Variants in CSMD3 observed in about 807,000 individuals in gnomAD.
CSMD3 encodes the protein CUB and sushi domain-containing protein 3.
In CSMD3, 177 loss-of-function variants were observed where a neutral mutation model predicts 435.2. The ratio of observed to expected loss-of-function variants is 0.41; its 90% confidence interval spans 0.36 to 0.46. The LOEUF (loss-of-function observed/expected upper bound fraction) is 0.46, where lower values mean the gene tolerates loss of function less well. CSMD3 is among the 20% of genes least tolerant of loss of function. The pLI is 0.34. For missense variants in CSMD3, 4,265 were observed against 4,504.6 expected (o/e 0.95, Z 1.52); for synonymous variants, 1,656 against 1,520.5 (o/e 1.09, Z -2.07).
At chr8:112,500,890 A>C (rs1461280379) in intron 30 of CSMD3, among the ~76,000 whole-genome samples, 1 of 81,100 alleles carries the variant, frequency 1.2e-5, no homozygotes, top group East Asian at 3.3e-4. Context: ...TGCCAGGCAA[A>C]GCCTCCTTTT....
rs1165654553 is a variant in CSMD3, at chr8:112,281,312, T to G, written c.9370A>C (p.Lys3124Gln). The G allele has an allele frequency of 6.2e-7, 1 of 1,613,350 alleles. No homozygotes were observed. The highest frequency in any genetic ancestry group is 1.3e-5 in the African/African-American group (1 of 74,904). Reference protein sequence around the residue: ...CGNPGTTANGKVFRIDGTTFS... With the variant: ...CGNPGTTANGQVFRIDGTTFS... Reference sequence around the variant, plus strand: ...GTTGTGCCATCAATTCGGAAGACTTTCCCATTGGCTGTGGTTCCTGGGTTA... The same window carrying G: ...GTTGTGCCATCAATTCGGAAGACTTGCCCATTGGCTGTGGTTCCTGGGTTA... Residue 3124 changes from lysine (K) to glutamine (Q), a missense_variant, in exon 59 of 71, where the codon AAA becomes CAA. By Grantham distance (53) the Lys-to-Gln change is moderately conservative. This residue lies in a region of CSMD3 where 3,255 missense variants were observed against 3,380.2 expected (regional missense o/e 0.96). Coordinates refer to ENST00000297405, the MANE Select transcript of CSMD3 (RefSeq NM_198123.2).
intron 5 of CSMD3, among the ~76,000 whole-genome samples, chr8:113,091,601 G>A (rs750514938): frequency 3.1e-4 from 47 of 151,608 alleles, no homozygotes; most frequent in South Asian, 4.2e-4. Flanking sequence ...AGTTTCTGCC[G>A]TATCAATTAT....
intron 1 of CSMD3, among the ~76,000 whole-genome samples, chr8:113,382,504 G>C (rs2094420764): frequency 6.6e-6 from 1 of 151,990 alleles, no homozygotes; most frequent in African/African-American, 2.4e-5. Context: ...TAACTAAGTG[G>C]ATTATAGCAT....
intron 1 of CSMD3, among the ~76,000 whole-genome samples, chr8:113,360,014 T>C (rs720406): frequency 0.28 from 43,211 of 152,044 alleles, 7,166 homozygotes; most frequent in East Asian, 0.69. Context: ...TACACACACA[T>C]TGAGGAGAGG....
chr8:112,441,701 A>T (rs1332764622), intron 32 of CSMD3, among the ~76,000 whole-genome samples: 1 of 152,204 alleles, frequency 6.6e-6, no homozygotes, highest in Non-Finnish European at 1.5e-5. Flanking sequence ...ACAAGATAGT[A>T]AGAAGGAGAA....
At chr8:113,055,248 T>G (rs1191105924) in intron 5 of CSMD3, among the ~76,000 whole-genome samples, 2 of 152,138 alleles carry the variant, frequency 1.3e-5, no homozygotes, top group African/African-American at 4.8e-5. Flanking sequence ...CCTCCTGCGT[T>G]CAAGCAATTC....
intron 7 of CSMD3, among the ~76,000 whole-genome samples, chr8:112,968,005 G>C (rs1022824675): frequency 2.0e-5 from 3 of 151,756 alleles, no homozygotes; most frequent in Non-Finnish European, 4.4e-5. Flanking sequence ...TCTGTTGTTA[G>C]AAATAACACT....
chr8:112,492,052 T>C (rs1355172181), intron 31 of CSMD3, among the ~76,000 whole-genome samples: 2 of 152,194 alleles, frequency 1.3e-5, no homozygotes, highest in South Asian at 4.1e-4. Context: ...TTCTTCTTTA[T>C]CCTTATTACA....
At position 112,771,162 on chromosome 8, in the gene CSMD3, A is replaced by G. The variant is rs2078104003; in HGVS notation, c.1972+29000T>C. Reference sequence around the variant, plus strand: ...AAAAAGAAAAATTCCCACAGAGTCCACCTGCAAGGAGAAAGTCAAACATTC... The same window carrying G: ...AAAAAGAAAAATTCCCACAGAGTCCGCCTGCAAGGAGAAAGTCAAACATTC... On this transcript the variant is annotated intron_variant, in intron 13 of 70. Transcript: ENST00000297405. Among the ~76,000 whole-genome samples the G allele has an allele frequency of 4.6e-5, 7 of 152,110 alleles. No individual in the cohort carries two copies. The South Asian group carries it at 1.4e-3, about 31-fold the overall frequency.
Position 112,751,070 on chromosome 8 carries a change from G to A in CSMD3, c.1972+49092C>T, listed in dbSNP as rs1193948008. On this transcript the variant is annotated intron_variant, in intron 13 of 70. Coordinates refer to ENST00000297405, the MANE Select transcript of CSMD3 (RefSeq NM_198123.2). ...CAAGGGATGACAGTATAGTAGCTTTGTATTAAAAAAAAAAAATAGAATTAT... is the reference window on the plus strand; with the variant it reads ...CAAGGGATGACAGTATAGTAGCTTTATATTAAAAAAAAAAAATAGAATTAT... 8.2e-5 allele frequency among the ~76,000 whole-genome samples: 4 copies of A among 49,016 alleles called. No homozygotes were observed. The East Asian group carries it at 4.3e-3, about 53-fold the overall frequency. The allele number at this position is 49,016 out of a possible 152,430, so 32.2% of individuals were successfully genotyped here.
At chr8:112,749,763 C>T (rs2077524172) in intron 13 of CSMD3, among the ~76,000 whole-genome samples, 2 of 151,866 alleles carry the variant, frequency 1.3e-5, no homozygotes, top group South Asian at 2.1e-4. Flanking sequence ...TTGGTTTGAT[C>T]CAAATATGAG....
At chr8:112,480,546 C>T (rs1224442951) in intron 31 of CSMD3, among the ~76,000 whole-genome samples, 1 of 152,128 alleles carries the variant, frequency 6.6e-6, no homozygotes, top group Non-Finnish European at 1.5e-5. Context: ...GAAAATCCCT[C>T]ATGAATGGCT....
At chr8:112,801,760 A>T (rs1298264560) in intron 12 of CSMD3, among the ~76,000 whole-genome samples, 2 of 151,986 alleles carry the variant, frequency 1.3e-5, no homozygotes, top group Non-Finnish European at 2.9e-5. Flanking sequence ...TCCAGCTTGG[A>T]GGCAGAATAG....
intron 10 of CSMD3, among the ~76,000 whole-genome samples, chr8:112,921,191 C>T (rs994135707): frequency 5.3e-4 from 81 of 151,828 alleles, no homozygotes; most frequent in African/African-American, 1.8e-3. Context: ...CTGGTTTGTT[C>T]TAGATTAAAT....
chr8:112,968,892 T>C (rs1174827337), intron 7 of CSMD3, among the ~76,000 whole-genome samples: 3 of 152,020 alleles, frequency 2.0e-5, no homozygotes, highest in Admixed American at 6.6e-5. Context: ...ATGATGCTTA[T>C]TAAGATTTTA....
chr8:112,318,082 G>A (rs1822639290), intron 47 of CSMD3, among the ~76,000 whole-genome samples: 1 of 151,966 alleles, frequency 6.6e-6, no homozygotes, highest in Non-Finnish European at 1.5e-5. Context: ...CCTTGCTCTT[G>A]TAACATAGCG....
At chr8:112,467,723 A>G (rs1818102006) in intron 32 of CSMD3, among the ~76,000 whole-genome samples, 1 of 152,108 alleles carries the variant, frequency 6.6e-6, no homozygotes, top group South Asian at 2.1e-4. Context: ...GCAAGAAAAA[A>G]CAGACAGACA....
intron 4 of CSMD3, among the ~76,000 whole-genome samples, chr8:113,101,371 C>G (rs1471758994): frequency 1.3e-5 from 2 of 152,082 alleles, no homozygotes; most frequent in East Asian, 3.9e-4. Flanking sequence ...GAAAACACAC[C>G]CATTTATTCA....
intron 17 of CSMD3, among the ~76,000 whole-genome samples, chr8:112,664,967 T>C (rs1057251566): frequency 2.6e-5 from 4 of 152,146 alleles, no homozygotes; most frequent in Non-Finnish European, 4.4e-5. Flanking sequence ...TAGTAAACCA[T>C]GTAGATTATA....
Sources: gnomAD v4.1 joint callset for allele counts (sites outside exome capture counted in the v4.1 genomes callset) on GRCh38, gnomAD v4.1.1 for gene constraint, gnomAD v4.1.1 regional missense constraint, MANE v1.5 for transcripts, NCBI Gene and HGNC (gene_info 2026-07-23, HGNC 2026-07-21) for gene names.